Variants in TMEM38B observed in about 807,000 individuals in gnomAD.
TMEM38B encodes trimeric intracellular cation channel type B.
A neutral mutation model predicts 28.7 loss-of-function variants in TMEM38B; 24 were observed. The ratio of observed to expected loss-of-function variants is 0.84; its 90% CI spans 0.61 to 1.18. The LOEUF is 1.18. TMEM38B is among the 50% of genes most tolerant of loss of function. TMEM38B has a pLI of 0.00. For synonymous variants in TMEM38B, 131 were observed against 127.7 expected (o/e 1.03, Z -0.17); for missense variants, 380 against 350.9 (o/e 1.08, Z -0.66).
intron 4 of TMEM38B, among the ~76,000 whole-genome samples, chr9:105,743,904 C>A (rs925529667): frequency 5.9e-5 from 9 of 151,998 alleles, no homozygotes; most frequent in African/African-American, 1.7e-4. Flanking sequence ...TGTTATATAC[C>A]CAAATATGTT....
intron 4 of TMEM38B, among the ~76,000 whole-genome samples, chr9:105,744,190 A>G (rs190509998): frequency 1.3e-4 from 20 of 152,206 alleles, no homozygotes; most frequent in African/African-American, 4.6e-4. Flanking sequence ...AAAATCATAA[A>G]TTAACAAGAA....
At chr9:105,705,902 G>GTTT (rs370270920) in intron 2 of TMEM38B, 149 bp downstream of exon 2, 346 of 493,402 alleles carry the variant, frequency 7.0e-4, no homozygotes, top group Middle Eastern at 6.3e-3. Context: ...ATGCTAAGGG[G>GTTT]TTTTTTTTTT....
intron 5 of TMEM38B, among the ~76,000 whole-genome samples, chr9:105,749,469 G>A (rs950390585): frequency 6.6e-6 from 1 of 152,142 alleles, no homozygotes; most frequent in African/African-American, 2.4e-5. Context: ...GCACAGGAAA[G>A]ACCCTCATGA....
Position 105,759,425 on chromosome 9 carries a change from G to A in TMEM38B, c.660+11235G>A, listed in dbSNP as rs1837956149. The A allele has an allele frequency of 2.6e-6, 4 of 1,557,242 alleles. No homozygotes were observed. In the Admixed American group the frequency reaches 5.8e-5, roughly 23 times the overall value. ...GAGAGACTACGGATAAGCAATCCAG[G>A]ATTTCAAGAAAGATGTGCTAAGAAA... On this transcript the variant is annotated intron_variant, in intron 5 of 5. Transcript: ENST00000374692.
chr9:105,746,740 G>A (rs1837411331), intron 4 of TMEM38B, among the ~76,000 whole-genome samples: 1 of 152,146 alleles, frequency 6.6e-6, no homozygotes, highest in East Asian at 1.9e-4. Flanking sequence ...TTATTATTTT[G>A]AGATGCGTCC....
In TMEM38B at chr9:105,721,594, T is replaced by C. The variant is rs1385078408; in HGVS notation, c.327T>C (p.Pro109=). 1 of 1,613,658 alleles carries C rather than the reference T, an allele frequency of 6.2e-7. No individual in the cohort carries two copies. The highest frequency in any genetic ancestry group is 2.2e-5 in the East Asian group (1 of 44,838). The part of the protein sequence containing the change: ...DLVSQGYSYL[P]VQLLASGMKE... The stretch of plus-strand genomic sequence containing the variant: ...TTTCCCAGGGCTATTCATATCTACC[T>C]GTTCAACTACTGGCTTCGGGAATGA... Residue 109 remains proline, a synonymous_variant, in exon 3 of 6, where the codon CCT becomes CCC. Transcript: ENST00000374692.
intron 5 of TMEM38B, among the ~76,000 whole-genome samples, chr9:105,748,655 G>A (rs1159117433): frequency 6.6e-6 from 1 of 152,196 alleles, no homozygotes; most frequent in East Asian, 1.9e-4. Flanking sequence ...GAGACAGGCA[G>A]TCTTGGGTTC....
intron 5 of TMEM38B, chr9:105,760,663 G>A: frequency 1.0e-6 from 1 of 959,942 alleles, no homozygotes; most frequent in Non-Finnish European, 1.7e-6. Context: ...TCCAACCACG[G>A]AGATTGAAGC....
intron 1 of TMEM38B, among the ~76,000 whole-genome samples, chr9:105,695,042 C>T (rs1193639566): frequency 1.3e-5 from 2 of 152,194 alleles, no homozygotes; most frequent in African/African-American, 4.8e-5. Context: ...GCGAGCAGGG[C>T]CGACCTTGCC....
chr9:105,715,943 C>G (rs368107745), intron 2 of TMEM38B, among the ~76,000 whole-genome samples: 1 of 151,998 alleles, frequency 6.6e-6, no homozygotes, highest in East Asian at 1.9e-4. Context: ...AGGATTTGAT[C>G]TTGATACTTT....
At chr9:105,703,408 TG>T in intron 1 of TMEM38B, among the ~76,000 whole-genome samples, 1 of 152,364 alleles carries the variant, frequency 6.6e-6, no homozygotes, top group East Asian at 1.9e-4. Context: ...TAGTATTCCA[TG>T]GTGTATATGT....
At chr9:105,708,158 A>G (rs1835752218) in intron 2 of TMEM38B, among the ~76,000 whole-genome samples, 2 of 152,192 alleles carry the variant, frequency 1.3e-5, no homozygotes, top group Non-Finnish European at 2.9e-5. Flanking sequence ...TTGGCCTTCT[A>G]TACCCATGGG....
chr9:105,766,170 C>G (rs1371008830), intron 5 of TMEM38B, among the ~76,000 whole-genome samples: 2 of 152,132 alleles, frequency 1.3e-5, no homozygotes, highest in Non-Finnish European at 2.9e-5. Flanking sequence ...ATATGTTTAA[C>G]TTTTTAAGAA....
chr9:105,720,312 T>C (rs571591575), intron 2 of TMEM38B, among the ~76,000 whole-genome samples: 70 of 150,836 alleles, frequency 4.6e-4, no homozygotes, highest in Non-Finnish European at 9.0e-4. Context: ...CTAAGAACTA[T>C]TGTAGTTCAT....
intron 5 of TMEM38B, among the ~76,000 whole-genome samples, chr9:105,757,822 T>C (rs900861946): frequency 5.9e-5 from 9 of 152,068 alleles, no homozygotes; most frequent in Non-Finnish European, 2.9e-5. Context: ...TTGAGGTGAA[T>C]AAAAAAGTGA....
chr9:105,723,267 G>C (rs185568704), intron 4 of TMEM38B, among the ~76,000 whole-genome samples: 1 of 152,056 alleles, frequency 6.6e-6, no homozygotes, highest in Non-Finnish European at 1.5e-5. Context: ...TGTTGTTCAG[G>C]CTTTAGTGCG....
intron 5 of TMEM38B, among the ~76,000 whole-genome samples, chr9:105,769,266 A>C (rs1453500351): frequency 1.3e-5 from 2 of 152,206 alleles, no homozygotes; most frequent in Non-Finnish European, 2.9e-5. Context: ...TTAAAATAAC[A>C]CTGAGATACC....
At chr9:105,712,797 G>A (rs1564390403) in intron 2 of TMEM38B, among the ~76,000 whole-genome samples, 1 of 152,240 alleles carries the variant, frequency 6.6e-6, no homozygotes, top group Non-Finnish European at 1.5e-5. Flanking sequence ...CAGGGAGAAG[G>A]CGGACAGCCC....
intron 5 of TMEM38B, among the ~76,000 whole-genome samples, chr9:105,751,392 C>T (rs1296372802): frequency 6.6e-6 from 1 of 152,296 alleles, no homozygotes; most frequent in Non-Finnish European, 1.5e-5. Flanking sequence ...TCAGGAAATC[C>T]CATCGTGAGC....
Sources: gnomAD v4.1 joint callset for allele counts (sites outside exome capture counted in the v4.1 genomes callset) on GRCh38, gnomAD v4.1.1 for gene constraint, MANE v1.5 for transcripts, NCBI Gene and HGNC (gene_info 2026-07-23, HGNC 2026-07-21) for gene names.